Variants in TARS3 observed in about 807,000 individuals in gnomAD.
TARS3 encodes threonyl-tRNA synthetase 3, also known as threonine--tRNA ligase 2, cytoplasmic.
In TARS3, 94 loss-of-function variants were observed where a neutral mutation model predicts 103.5. That is an observed-to-expected ratio of 0.91 (90% CI 0.77 to 1.08). The LOEUF is 1.08. Ranked by LOEUF, TARS3 falls within the 50% of genes least tolerant of loss-of-function variation. The pLI, the probability that TARS3 is intolerant of heterozygous loss-of-function variation, is 0.00. For synonymous variants in TARS3, 416 were observed against 355.4 expected (o/e 1.17, Z -1.92); for missense variants, 952 against 995.2 (o/e 0.96, Z 0.58).
intron 11 of TARS3, 122 bp from the exon 12 acceptor site, chr15:101,684,359 T>C: frequency 1.0e-6 from 1 of 1,004,422 alleles, no homozygotes; most frequent in Non-Finnish European, 1.4e-6. Flanking sequence ...AGTTCTTAGA[T>C]CACCAGGTTA....
At chr15:101,706,812 C>T (rs1899589344) in intron 6 of TARS3, among the ~76,000 whole-genome samples, 1 of 152,090 alleles carries the variant, frequency 6.6e-6, no homozygotes, top group South Asian at 2.1e-4. Context: ...TTAACTGTTT[C>T]GTATCTATAT....
chr15:101,704,528 G>A (rs896000616), intron 7 of TARS3, among the ~76,000 whole-genome samples: 17 of 151,954 alleles, frequency 1.1e-4, no homozygotes, highest in Non-Finnish European at 1.5e-4. Context: ...GGTGGTGGGC[G>A]CCTGTAATCC....
intron 12 of TARS3, among the ~76,000 whole-genome samples, chr15:101,677,704 G>T (rs1898087502): frequency 6.6e-6 from 1 of 151,666 alleles, no homozygotes; most frequent in African/African-American, 2.4e-5. Context: ...CTCCATGTTA[G>T]TCAGTCTAGT....
intron 12 of TARS3, among the ~76,000 whole-genome samples, chr15:101,682,710 G>C (rs1035585978): frequency 2.6e-5 from 4 of 152,080 alleles, no homozygotes; most frequent in African/African-American, 9.7e-5. Flanking sequence ...CTCTAGATTG[G>C]TATTATTCCT....
rs571106741 is a variant in TARS3 at position 101,691,326 on chromosome 15, C to T, written c.1321-5264G>A. On this transcript the variant is annotated intron_variant, in intron 10 of 18. Coordinates refer to ENST00000335968, the MANE Select transcript of TARS3 (RefSeq NM_152334.3). ...ACAGAGTGTTGCTCTCTTGCCCAGG[C>T]TGGAGTGCAGTGGCACAATCTTGGC... Among the ~76,000 whole-genome samples the T allele has an allele frequency of 1.1e-4, 16 of 151,656 alleles. No homozygotes were observed. In the South Asian group the frequency reaches 3.3e-3, roughly 32 times the overall value.
intron 4 of TARS3, among the ~76,000 whole-genome samples, chr15:101,712,209 T>C (rs1899904866): frequency 6.6e-6 from 1 of 152,184 alleles, no homozygotes; most frequent in Non-Finnish European, 1.5e-5. Context: ...AGTCACTTGC[T>C]CAGTGCCAGT....
intron 10 of TARS3, among the ~76,000 whole-genome samples, chr15:101,696,399 A>G (rs1340113568): frequency 1.3e-5 from 2 of 152,088 alleles, no homozygotes; most frequent in African/African-American, 2.4e-5. Flanking sequence ...ACATTCTTCA[A>G]TCAATAACCC....
chr15:101,657,520 T>C (rs1897235382), intron 17 of TARS3, among the ~76,000 whole-genome samples: 2 of 152,244 alleles, frequency 1.3e-5, no homozygotes, highest in Non-Finnish European at 2.9e-5. Context: ...CAGCAACAGA[T>C]AATATTCTTC....
chr15:101,688,925 C>T (rs549168358), intron 10 of TARS3, among the ~76,000 whole-genome samples: 18 of 152,246 alleles, frequency 1.2e-4, no homozygotes, highest in South Asian at 8.3e-4. Context: ...CATTCAGATA[C>T]CCAGTCCTAT....
At chr15:101,655,098 A>G (rs1322032519) in intron 18 of TARS3, among the ~76,000 whole-genome samples, 2 of 150,156 alleles carry the variant, frequency 1.3e-5, no homozygotes, top group African/African-American at 4.9e-5. Flanking sequence ...GAGCTCTTAC[A>G]GGCTCACACT....
At chr15:101,668,961 T>C (rs1222184394) in intron 15 of TARS3, among the ~76,000 whole-genome samples, 1 of 152,224 alleles carries the variant, frequency 6.6e-6, no homozygotes, top group Non-Finnish European at 1.5e-5. Flanking sequence ...TTTTAATTGT[T>C]ATTTAAGGTG....
intron 12 of TARS3, among the ~76,000 whole-genome samples, chr15:101,681,405 C>T (rs945137071): frequency 6.6e-5 from 10 of 152,150 alleles, no homozygotes; most frequent in African/African-American, 1.4e-4. Context: ...TTCCAAACCA[C>T]GAACAAGGTA....
intron 13 of TARS3, among the ~76,000 whole-genome samples, chr15:101,671,990 C>T (rs1897825813): frequency 6.6e-6 from 1 of 152,106 alleles, no homozygotes; most frequent in South Asian, 2.1e-4. Context: ...ATAAATTGTT[C>T]CAGTGAATTC....
intron 13 of TARS3, among the ~76,000 whole-genome samples, chr15:101,675,393 C>CT (rs1362505083): frequency 7.2e-5 from 11 of 152,226 alleles, no homozygotes; most frequent in Non-Finnish European, 1.2e-4. Flanking sequence ...CAGATATGAA[C>CT]TTTAAGTGTG....
Position 101,654,006 on chromosome 15 carries a change from T to C in TARS3, c.*576A>G, listed in dbSNP as rs1897105879. The stretch of plus-strand genomic sequence containing the variant: ...AACCTAATTATGAATAAGAAACATT[T>C]AAATGGCAACTCTTAACCTATAGTG... On this transcript the variant is annotated 3_prime_UTR_variant, in exon 19 of 19. Transcript: ENST00000335968. 1 of 152,268 alleles carries C rather than the reference T, an allele frequency of 6.6e-6. No homozygotes were observed. Among genetic ancestry groups the C allele is most frequent in the Admixed American group, 6.5e-5 (1 of 15,292 alleles). The allele number at this position is 152,268 out of a possible 1,614,324, so 9.4% of individuals were successfully genotyped here.
intron 5 of TARS3, 124 bp from the exon 6 acceptor site, chr15:101,709,034 A>C: frequency 1.5e-6 from 1 of 650,922 alleles, no homozygotes; most frequent in Non-Finnish European, 2.6e-6. Context: ...AGGACTTCAG[A>C]AAGTCAAACG....
intron 13 of TARS3, among the ~76,000 whole-genome samples, chr15:101,673,690 T>G: frequency 6.6e-6 from 1 of 152,202 alleles, no homozygotes; most frequent in Middle Eastern, 3.2e-3. Flanking sequence ...TGAGTCTGCA[T>G]CCTTCCCAGG....
At chr15:101,705,899 C>T (rs1899534864) in intron 6 of TARS3, 152 bp from the exon 7 acceptor site, 1 of 674,756 alleles carries the variant, frequency 1.5e-6, no homozygotes, top group Non-Finnish European at 2.6e-6. Context: ...CCTTGAGCGA[C>T]ACCGTGCAGC....
At chr15:101,689,599 C>T (rs1372764545) in intron 10 of TARS3, among the ~76,000 whole-genome samples, 3 of 152,042 alleles carry the variant, frequency 2.0e-5, no homozygotes, top group East Asian at 3.9e-4. Flanking sequence ...CACGTGAAGA[C>T]AGAGGATGGG....
Sources: allele counts gnomAD v4.1 joint callset (sites outside exome capture counted in the v4.1 genomes callset), GRCh38; gene constraint gnomAD v4.1.1; transcripts MANE v1.5; gene names NCBI Gene and HGNC (gene_info 2026-07-23, HGNC 2026-07-21).